Variants in COL4A3 observed in about 807,000 individuals in gnomAD.
COL4A3 encodes the protein collagen type IV alpha 3 chain.
In COL4A3, 135 loss-of-function variants were observed where a neutral mutation model predicts 217.4. The ratio of observed to expected loss-of-function variants is 0.62; its 90% CI spans 0.54 to 0.72. COL4A3 has a LOEUF of 0.72. COL4A3 is among the 30% of genes least tolerant of loss of function. COL4A3 has a pLI of 0.00. For synonymous variants in COL4A3, 690 were observed against 736.3 expected, an observed-to-expected ratio of 0.94 and a Z score of 1.02; for missense variants, 1,868 against 2,119.9, an observed-to-expected ratio of 0.88 and a Z score of 2.33.
rs2125981246 is a variant in COL4A3, at chr2:227,266,496, T to G, written c.1395T>G (p.Val465=). The G allele has an allele frequency of 6.2e-7, 1 of 1,613,686 alleles. No individual in the cohort carries two copies. Among genetic ancestry groups the G allele is most frequent in the Non-Finnish European group, 8.5e-7 (1 of 1,179,664 alleles). Reference sequence around the variant, plus strand: ...TAGGGTCTCCAGGAATCCCAGGAGTTGATGGGCCCAAAGGTTGGTTCAATC... The same window carrying G: ...TAGGGTCTCCAGGAATCCCAGGAGTGGATGGGCCCAAAGGTTGGTTCAATC... The part of the protein sequence containing the change: ...GYLGSPGIPG[V]DGPKGEPGLL... Residue 465 remains valine, a synonymous_variant, in exon 22 of 52, where the codon GTT becomes GTG. Coordinates refer to ENST00000396578, the MANE Select transcript of COL4A3 (RefSeq NM_000091.5).
chr2:227,223,007 ACTATC>A (rs2067896118), intron 1 of COL4A3, among the ~76,000 whole-genome samples: 1 of 152,242 alleles, frequency 6.6e-6, no homozygotes, highest in South Asian at 2.1e-4. Context: ...ATTAATCTCA[ACTATC>A]CTATATTTTT....
rs73078063 is a variant in COL4A3, at chr2:227,230,785, G to A, written c.88-7183G>A. On this transcript the variant is annotated intron_variant, in intron 1 of 51. Coordinates refer to ENST00000396578, the MANE Select transcript of COL4A3 (RefSeq NM_000091.5). The stretch of plus-strand genomic sequence containing the variant: ...TTAATATCATGAGTCTTGAGCTACT[G>A]TCATCACCATCCAAAAGTATTCAAG... Among the ~76,000 whole-genome samples, 538 of 152,314 alleles carry A rather than the reference G, an allele frequency of 3.5e-3. 3 individuals carry two copies. The highest frequency in any genetic ancestry group is 0.012 in the African/African-American group (503 of 41,570).
chr2:227,256,560 TA>T (rs1456639429), intron 17 of COL4A3, 164 bp downstream of exon 17: 3 of 774,124 alleles, frequency 3.9e-6, no homozygotes, highest in African/African-American at 3.4e-5. Context: ...CAACTTTACT[TA>T]AACATTTGAA....
intron 42 of COL4A3, 49 bp downstream of exon 42, chr2:227,297,908 A>C: frequency 1.3e-6 from 2 of 1,545,602 alleles, no homozygotes; most frequent in South Asian, 1.2e-5. Context: ...ATCATGTTTG[A>C]CCTCAAAAGT....
In COL4A3 at chr2:227,303,944, C is replaced by T; in HGVS notation, c.4027+14C>T. 1 of 1,614,208 alleles carries T rather than the reference C, an allele frequency of 6.2e-7. No homozygotes were observed. Among genetic ancestry groups the T allele is most frequent in the South Asian group, 1.1e-5 (1 of 91,070 alleles). Reference sequence around the variant, plus strand: ...AAGGACCACCTGGTAAATAAACGTCCTTACTATTGCTGTCAATGAAGAAAG... The same window carrying T: ...AAGGACCACCTGGTAAATAAACGTCTTTACTATTGCTGTCAATGAAGAAAG... On this transcript the variant is annotated intron_variant, in intron 45 of 51. Transcript: ENST00000396578.
intron 26 of COL4A3, among the ~76,000 whole-genome samples, chr2:227,274,835 C>T (rs537551415): frequency 1.0e-3 from 157 of 152,236 alleles, no homozygotes; most frequent in African/African-American, 3.4e-3. Flanking sequence ...TACTAGCAAA[C>T]GGTGGTGGAC....
chr2:227,293,751 G>C (rs1318554577), intron 38 of COL4A3: 3 of 470,626 alleles, frequency 6.4e-6, no homozygotes, highest in African/African-American at 6.0e-5. Context: ...AGTTCCAGCA[G>C]CTCCGAGTCT....
intron 1 of COL4A3, among the ~76,000 whole-genome samples, chr2:227,194,053 G>GAGGAGA (rs71036162): frequency 0.21 from 3,385 of 16,310 alleles, 180 homozygotes; most frequent in Non-Finnish European, 0.25. Flanking sequence ...AAGAGAAGGA[G>GAGGAGA]AGGAGAAGGA....
intron 1 of COL4A3, among the ~76,000 whole-genome samples, chr2:227,210,922 GACTT>G (rs2067294592): frequency 1.3e-5 from 2 of 152,154 alleles, no homozygotes; most frequent in African/African-American, 2.4e-5. Flanking sequence ...CATTTGTTGT[GACTT>G]ACTTTTTCAG....
At chr2:227,257,902 C>G (rs2070292125) in intron 18 of COL4A3, among the ~76,000 whole-genome samples, 1 of 152,154 alleles carries the variant, frequency 6.6e-6, no homozygotes, top group Admixed American at 6.5e-5. Context: ...TCTAAGCAGC[C>G]CAGGCCCAAG....
At chr2:227,310,545 A>T (rs1014883851) in intron 50 of COL4A3, among the ~76,000 whole-genome samples, 1 of 152,124 alleles carries the variant, frequency 6.6e-6, no homozygotes, top group Non-Finnish European at 1.5e-5. Flanking sequence ...CAAACTCCTG[A>T]CCTCAAGTGA....
intron 3 of COL4A3, among the ~76,000 whole-genome samples, chr2:227,241,685 C>CA (rs55737107): frequency 1.3e-5 from 2 of 151,510 alleles, no homozygotes; most frequent in Non-Finnish European, 2.9e-5. Flanking sequence ...AAAATATATA[C>CA]GTGTGTGTAT....
rs368758622 is a variant in COL4A3, at chr2:227,253,545, G to A, written c.688-16G>A. On this transcript the variant is annotated splice_polypyrimidine_tract_variant and intron_variant, in intron 12 of 51. Transcript: ENST00000396578. This position sits in a 1 kb window ranked among gnomAD's most constrained non-coding sequence, Gnocchi z 4.4. Reference sequence around the variant, plus strand: ...CTGTTGTTTATTTTCTCACTCCTGAGTGTTTTTGTCTTTAGGGTGTGAAAG... The same window carrying A: ...CTGTTGTTTATTTTCTCACTCCTGAATGTTTTTGTCTTTAGGGTGTGAAAG... 6.8e-6 allele frequency: 11 copies of A among 1,606,360 alleles called. No individual in the cohort carries two copies. The African/African-American group carries it at 1.1e-4, about 16-fold the overall frequency.
At chr2:227,202,094 T>G (rs1379242831) in intron 1 of COL4A3, among the ~76,000 whole-genome samples, 2 of 152,220 alleles carry the variant, frequency 1.3e-5, no homozygotes, top group South Asian at 4.1e-4. Context: ...CAGAATTCCC[T>G]TCCAGAATAT....
intron 1 of COL4A3, among the ~76,000 whole-genome samples, chr2:227,192,649 G>C (rs941243674): frequency 3.3e-5 from 5 of 152,188 alleles, no homozygotes; most frequent in Non-Finnish European, 7.4e-5. Flanking sequence ...ACTTTGCTCA[G>C]TGTGTGTTTG....
chr2:227,193,777 GA>G (rs2066342186), intron 1 of COL4A3, among the ~76,000 whole-genome samples: 1 of 56,310 alleles, frequency 1.8e-5, no homozygotes, highest in African/African-American at 6.4e-5. Flanking sequence ...AGGAAGGAAG[GA>G]AGGAAGGAAG....
At chr2:227,181,306 G>A (rs575502362) in intron 1 of COL4A3, among the ~76,000 whole-genome samples, 18 of 152,268 alleles carry the variant, frequency 1.2e-4, no homozygotes, top group Non-Finnish European at 2.5e-4. Context: ...CTGCATCAGG[G>A]TCGGCAGTAT....
intron 1 of COL4A3, among the ~76,000 whole-genome samples, chr2:227,169,576 T>C (rs1298412342): frequency 2.0e-5 from 3 of 152,072 alleles, no homozygotes; most frequent in South Asian, 2.1e-4. Context: ...TTTTAATGAT[T>C]GCCATTCTAA....
chr2:227,282,422 C>T lies in COL4A3; in HGVS notation c.2546C>T (p.Ser849Leu). ...CCAGGAATTCCAGGCTTGGATAGAT[C>T]AGGATTTCCTGGAGAAACTGGATCA... is the stretch of plus-strand genomic sequence containing the variant. The part of the protein sequence containing the change: ...GDPGIPGLDR[S>L]GFPGETGSPG... Residue 849 changes from serine (S) to leucine (L), a missense_variant, in exon 32 of 52, where the codon TCA (serine) becomes TTA (leucine). By Grantham distance (145) the Ser-to-Leu change is moderately radical (BLOSUM62 -2). Coordinates refer to ENST00000396578, the MANE Select transcript of COL4A3 (RefSeq NM_000091.5). The surrounding 1 kb of genome is among the most constrained non-coding windows in gnomAD (Gnocchi z 4.4). The T allele has an allele frequency of 6.2e-7, 1 of 1,613,750 alleles. No individual in the cohort carries two copies. The highest frequency in any genetic ancestry group is 1.1e-5 in the South Asian group (1 of 91,046).
Sources: gnomAD v4.1 joint callset for allele counts (sites outside exome capture counted in the v4.1 genomes callset) on GRCh38, gnomAD v4.1.1 for gene constraint, Gnocchi (gnomAD v3.1) non-coding constraint, MANE v1.5 for transcripts, NCBI Gene and HGNC (gene_info 2026-07-23, HGNC 2026-07-21) for gene names.